LAMC3: variants seen among roughly 807,000 people sequenced by gnomAD.
LAMC3 encodes the protein laminin subunit gamma 3, also known as laminin subunit gamma-3.
LAMC3 carries 128 observed loss-of-function variants against 173.8 expected under a neutral mutation model. The observed-to-expected ratio is 0.74, with a 90% CI of 0.64 to 0.85. The LOEUF (loss-of-function observed/expected upper bound fraction) is 0.85, where lower values mean the gene tolerates loss of function less well. Ranked by LOEUF, LAMC3 falls within the 40% of genes least tolerant of loss-of-function variation. LAMC3 has a pLI of 0.00. For synonymous variants in LAMC3, 897 were observed against 909.1 expected (o/e 0.99, Z 0.24); for missense variants, 2,022 against 2,156.0 (o/e 0.94, Z 1.23).
chr9:131,025,084 C>T (rs1022262134), intron 1 of LAMC3, among the ~76,000 whole-genome samples: 7 of 152,066 alleles, frequency 4.6e-5, no homozygotes, highest in Non-Finnish European at 7.4e-5. Context: ...AAATCATACC[C>T]GCTCTCAGTG....
In LAMC3 at chr9:131,029,425, A is replaced by G. The variant is rs2133231315; in HGVS notation, c.679-2620A>G. Among the ~76,000 whole-genome samples the G allele has an allele frequency of 1.3e-5, 2 of 152,300 alleles. No homozygotes were observed. The highest frequency in any genetic ancestry group is 1.9e-4 in the East Asian group (1 of 5,172). ...CGCTCCCACCTGCGTCTGTGCAGCCACCACCGTGGGGACACCCTTGGCTGT... is the reference window on the plus strand; with the variant it reads ...CGCTCCCACCTGCGTCTGTGCAGCCGCCACCGTGGGGACACCCTTGGCTGT... On this transcript the variant is annotated intron_variant, in intron 2 of 27. Coordinates refer to ENST00000361069, the MANE Select transcript of LAMC3 (RefSeq NM_006059.4). This position sits in a 1 kb window ranked among gnomAD's most constrained non-coding sequence, Gnocchi z 4.6.
At chr9:131,013,287 G>A (rs1016703732) in intron 1 of LAMC3, among the ~76,000 whole-genome samples, 9 of 152,192 alleles carry the variant, frequency 5.9e-5, no homozygotes, top group Middle Eastern at 3.4e-3. Context: ...TTGAAGCCTC[G>A]GTCCTGGGAG....
In LAMC3 at chr9:131,036,296, G is replaced by T; in HGVS notation, c.940G>T (p.Ala314Ser). The T allele has an allele frequency of 3.1e-6, 5 of 1,613,190 alleles. No homozygotes were observed. The highest frequency in any genetic ancestry group is 4.2e-6 in the Non-Finnish European group (5 of 1,179,876). ...CLPFFQDRPW[A>S]RGTAEAAHEC... ...GCCCTTCTTCCAGGACCGCCCGTGGGCCCGGGGCACCGCCGAGGCTGCCCA... is the reference window on the plus strand; with the variant it reads ...GCCCTTCTTCCAGGACCGCCCGTGGTCCCGGGGCACCGCCGAGGCTGCCCA... Residue 314 changes from alanine to serine, a missense_variant, in exon 4 of 28, where the codon GCC becomes TCC. By Grantham distance (99) the Ala-to-Ser change is moderately conservative (BLOSUM62 1). Coordinates refer to ENST00000361069, the MANE Select transcript of LAMC3 (RefSeq NM_006059.4).
chr9:131,014,580 C>T (rs962972654), intron 1 of LAMC3, among the ~76,000 whole-genome samples: 1 of 152,242 alleles, frequency 6.6e-6, no homozygotes, highest in Non-Finnish European at 1.5e-5. Context: ...AGAGGGAATG[C>T]CTGTTTTCAC....
rs114395303 is a variant in LAMC3 at position 131,056,313 on chromosome 9, C to T, written c.1940-616C>T. Among the ~76,000 whole-genome samples the T allele has an allele frequency of 8.5e-3, 1,292 of 152,200 alleles. 16 individuals carry two copies. Among genetic ancestry groups the T allele is most frequent in the African/African-American group, 0.028 (1,172 of 41,520 alleles). On this transcript the variant is annotated intron_variant, in intron 11 of 27. Transcript: ENST00000361069. Reference sequence around the variant, plus strand: ...CCAGGTGAGTTTCCTACACGCCATCCTCCACTAAAATTCATCTATAAAATG... The same window carrying T: ...CCAGGTGAGTTTCCTACACGCCATCTTCCACTAAAATTCATCTATAAAATG...
In LAMC3 at chr9:131,009,418, G is replaced by A. The variant is rs1005607049; in HGVS notation, c.204G>A (p.Ala68=). 1 of 1,541,494 alleles carries A rather than the reference G, an allele frequency of 6.5e-7. No homozygotes were observed. Among genetic ancestry groups the A allele is most frequent in the South Asian group, 1.2e-5 (1 of 83,852 alleles). ...ACTTCTGTCCCCACGTGGGCGCCGC[G>A]GGCGCGGGGGCTCATTGCCAGCGCT... is the stretch of plus-strand genomic sequence containing the variant. The part of the protein sequence containing the change: ...PEDFCPHVGA[A]GAGAHCQRCD... Residue 68 remains alanine, a synonymous_variant, in exon 1 of 28, where the codon GCG becomes GCA. Transcript: ENST00000361069. The surrounding 1 kb of genome is among the most constrained non-coding windows in gnomAD (Gnocchi z 4.3).
chr9:131,040,439 A>G (rs905341132), intron 6 of LAMC3, among the ~76,000 whole-genome samples: 18 of 152,180 alleles, frequency 1.2e-4, no homozygotes, highest in Admixed American at 1.1e-3. Context: ...TCGGCTTCCC[A>G]AAGTGCTGAT....
chr9:131,089,678 A>T (rs1388402891), intron 27 of LAMC3, among the ~76,000 whole-genome samples: 1 of 151,836 alleles, frequency 6.6e-6, no homozygotes, highest in East Asian at 1.9e-4. Flanking sequence ...GTGAGCCACC[A>T]TGCCCGGCCT....
intron 1 of LAMC3, among the ~76,000 whole-genome samples, chr9:131,017,719 CAAAAAAAA>C (rs34153382): frequency 2.9e-5 from 1 of 35,064 alleles, no homozygotes; most frequent in African/African-American, 1.2e-4. Context: ...AAGACTGTCT[CAAAAAAAA>C]AAAAAAAAAA....
At chr9:131,053,956 C>T (rs10901334) in intron 11 of LAMC3, among the ~76,000 whole-genome samples, 79,998 of 151,376 alleles carry the variant, frequency 0.53, 22,499 homozygotes, top group African/African-American at 0.74. Context: ...ACTGTAGTGA[C>T]TGTGCCACTG....
chr9:131,042,200 G>A (rs1305470449), intron 7 of LAMC3, among the ~76,000 whole-genome samples: 1 of 151,812 alleles, frequency 6.6e-6, no homozygotes, highest in Non-Finnish European at 1.5e-5. Context: ...CATCACTCAT[G>A]GAGTATTATC....
At chr9:131,044,458 T>G (rs184822060) in intron 7 of LAMC3, among the ~76,000 whole-genome samples, 22 of 152,170 alleles carry the variant, frequency 1.4e-4, no homozygotes, top group African/African-American at 4.8e-4. Context: ...TACAGTGAGC[T>G]GAAATCGTGC....
chr9:131,069,676 C>T lies in LAMC3; in HGVS notation c.2895C>T (p.Cys965=). The part of the protein sequence containing the change: ...FGFSIKGCRA[C]RCSPLGAASA... Reference sequence around the variant, plus strand: ...CACTGCCCCTGGCCCCTCTAGCCTGCAGGTGCTCCCCACTGGGCGCTGCCT... The same window carrying T: ...CACTGCCCCTGGCCCCTCTAGCCTGTAGGTGCTCCCCACTGGGCGCTGCCT... Residue 965 remains cysteine, a synonymous_variant, in exon 17 of 28, where the codon TGC becomes TGT. Coordinates refer to ENST00000361069, the MANE Select transcript of LAMC3 (RefSeq NM_006059.4). 3.8e-6 allele frequency: 6 copies of T among 1,571,012 alleles called. No homozygotes were observed. Among genetic ancestry groups the T allele is most frequent in the Non-Finnish European group, 4.3e-6 (5 of 1,160,198 alleles).
chr9:131,063,741 G>T (rs1479296687), intron 13 of LAMC3, among the ~76,000 whole-genome samples: 2 of 152,106 alleles, frequency 1.3e-5, no homozygotes, highest in African/African-American at 4.8e-5. Context: ...TAACCATGGG[G>T]CTCACTCATC....
At chr9:131,071,211 T>A (rs1240230952) in intron 17 of LAMC3, among the ~76,000 whole-genome samples, 2 of 152,100 alleles carry the variant, frequency 1.3e-5, no homozygotes, top group Non-Finnish European at 2.9e-5. Flanking sequence ...GGGGCATCCC[T>A]CCCCATCCCT....
At position 131,009,545 on chromosome 9, in the gene LAMC3, G is replaced by C. The variant is rs956457336; in HGVS notation, c.331G>C (p.Gly111Arg). The change falls in exon 1 of 28, where the codon GGC (glycine) becomes CGC (arginine). Residue 111 changes from glycine to arginine, a missense_variant. Physicochemically the swap from Gly to Arg is moderately radical, Grantham distance 125. Coordinates refer to ENST00000361069, the MANE Select transcript of LAMC3 (RefSeq NM_006059.4). The surrounding 1 kb of genome is among the most constrained non-coding windows in gnomAD (Gnocchi z 4.3). ...GTGGCAGAGCCCGTCCATGGCCTTC[G>C]GCGTGCAGTACCCCACCTCGGTCAA... is the stretch of plus-strand genomic sequence containing the variant. ...TWWQSPSMAF[G>R]VQYPTSVNIT... The C allele has an allele frequency of 4.5e-6, 7 of 1,567,374 alleles. No individual in the cohort carries two copies. Among genetic ancestry groups the C allele is most frequent in the Non-Finnish European group, 6.1e-6 (7 of 1,156,722 alleles).
At chr9:131,039,412 G>A (rs1244324798) in intron 6 of LAMC3, among the ~76,000 whole-genome samples, 164 bp downstream of exon 6, 1 of 152,172 alleles carries the variant, frequency 6.6e-6, no homozygotes, top group Non-Finnish European at 1.5e-5. Context: ...GAGAGGCCAA[G>A]AGACAAAAAC....
At position 131,068,351 on chromosome 9, in the gene LAMC3, A is replaced by G. The variant is rs1040415320; in HGVS notation, c.2747+120A>G. The G allele has an allele frequency of 3.6e-5, 37 of 1,034,242 alleles. No individual in the cohort carries two copies. The East Asian group carries it at 6.1e-4, about 17-fold the overall frequency. 64.1% of individuals were successfully genotyped at this position (1,034,242 alleles called of 1,614,324 possible). ...TTGTCCTAGGCCCACTGCCAGGCAC[A>G]TTGTGCCCTTTGCCGAAGGGGAGCA... is the stretch of plus-strand genomic sequence containing the variant. On this transcript the variant is annotated intron_variant, in intron 15 of 27. Transcript: ENST00000361069.
chr9:131,069,985 C>G (rs1588162959), intron 17 of LAMC3, 135 bp downstream of exon 17: 14 of 909,428 alleles, frequency 1.5e-5, no homozygotes, highest in African/African-American at 8.2e-5. Flanking sequence ...TACCTTCTCC[C>G]TGTGCCCACC....
Sources: allele counts gnomAD v4.1 joint callset (sites outside exome capture counted in the v4.1 genomes callset), GRCh38; gene constraint gnomAD v4.1.1; non-coding constraint Gnocchi (gnomAD v3.1); transcripts MANE v1.5; gene names NCBI Gene and HGNC (gene_info 2026-07-23, HGNC 2026-07-21).